Variants in TACR1 observed in about 807,000 individuals in gnomAD.
TACR1 encodes the protein tachykinin receptor 1.
In TACR1, 25 loss-of-function variants were observed where a neutral mutation model predicts 35.8. The ratio of observed to expected loss-of-function variants is 0.70; its 90% CI spans 0.51 to 0.98. TACR1 has a LOEUF of 0.98. Ranked by LOEUF, TACR1 falls within the 50% of genes least tolerant of loss-of-function variation. The pLI is 0.00. For synonymous variants in TACR1, 195 were observed against 206.7 expected, an observed-to-expected ratio of 0.94 and a Z score of 0.48; for missense variants, 478 against 522.9, an observed-to-expected ratio of 0.91 and a Z score of 0.84.
intron 1 of TACR1, among the ~76,000 whole-genome samples, chr2:75,149,146 C>T (rs913011431): frequency 1.3e-5 from 2 of 152,110 alleles, no homozygotes; most frequent in African/African-American, 2.4e-5. Context: ...AGTATGAAGT[C>T]AGGTAGCATG....
intron 2 of TACR1, 130 bp downstream of exon 2, chr2:75,120,444 G>T: frequency 1.2e-6 from 1 of 822,288 alleles, no homozygotes; most frequent in Admixed American, 2.9e-5. Context: ...GGGTATATGT[G>T]AGAAATGCTT....
intron 1 of TACR1, among the ~76,000 whole-genome samples, chr2:75,165,709 G>A (rs1675125327): frequency 6.6e-6 from 1 of 152,158 alleles, no homozygotes. Context: ...AAAATATGGT[G>A]CGCCCAGGCT....
chr2:75,180,733 A>G (rs1675541216), intron 1 of TACR1, among the ~76,000 whole-genome samples: 1 of 152,212 alleles, frequency 6.6e-6, no homozygotes. Context: ...GAGTGAGCCC[A>G]GACAAGATTC....
intron 1 of TACR1, among the ~76,000 whole-genome samples, chr2:75,193,089 C>T (rs972281764): frequency 1.1e-4 from 16 of 152,078 alleles, no homozygotes; most frequent in African/African-American, 3.9e-4. Flanking sequence ...TCCTCTCTCC[C>T]CTACTGCCCT....
chr2:75,114,377 C>G (rs374061212), intron 2 of TACR1, among the ~76,000 whole-genome samples: 4 of 152,226 alleles, frequency 2.6e-5, no homozygotes, highest in African/African-American at 9.6e-5. Context: ...TTTTGGATGT[C>G]CTTTTCATTT....
chr2:75,129,124 T>C (rs1674133360), intron 1 of TACR1, among the ~76,000 whole-genome samples: 1 of 152,198 alleles, frequency 6.6e-6, no homozygotes, highest in Non-Finnish European at 1.5e-5. Flanking sequence ...GTAATGTCTT[T>C]GAGATTTTAA....
chr2:75,118,620 A>G (rs1371688402), intron 2 of TACR1, among the ~76,000 whole-genome samples: 1 of 152,220 alleles, frequency 6.6e-6, no homozygotes, highest in Non-Finnish European at 1.5e-5. Context: ...AAGACCCCAG[A>G]GATCTGTGGG....
chr2:75,070,221 GTGTGTGTGTGTA>G (rs1672850975), intron 2 of TACR1, among the ~76,000 whole-genome samples: 1 of 89,388 alleles, frequency 1.1e-5, no homozygotes, highest in South Asian at 4.3e-4. Context: ...TTGTATGTAT[GTGTGTGTGTGTA>G]TGTGTGTGTG....
At chr2:75,111,818 G>T (rs768132132) in intron 2 of TACR1, among the ~76,000 whole-genome samples, 1 of 151,896 alleles carries the variant, frequency 6.6e-6, no homozygotes, top group Non-Finnish European at 1.5e-5. Flanking sequence ...AACCAAGAAT[G>T]GTGGTTGTCC....
intron 1 of TACR1, among the ~76,000 whole-genome samples, chr2:75,131,191 T>C (rs1259773844): frequency 2.0e-5 from 3 of 151,936 alleles, no homozygotes; most frequent in Non-Finnish European, 4.4e-5. Context: ...TGGGTTCACG[T>C]CATTCTCCTG....
intron 1 of TACR1, among the ~76,000 whole-genome samples, chr2:75,152,407 G>A (rs991470887): frequency 2.0e-5 from 3 of 152,096 alleles, no homozygotes; most frequent in Non-Finnish European, 4.4e-5. Flanking sequence ...GAGATCTGAT[G>A]GTTTTATCAG....
At chr2:75,144,824 A>T (rs564225137) in intron 1 of TACR1, among the ~76,000 whole-genome samples, 42 of 152,336 alleles carry the variant, frequency 2.8e-4, no homozygotes, top group African/African-American at 9.9e-4. Context: ...GGTAGCAATG[A>T]ATAACAGATT....
Position 75,048,662 on chromosome 2 carries a change from A to T in TACR1, c.*770T>A, listed in dbSNP as rs1005752009. ...TAAGATTCGAAGGAACACTTAGATT[A>T]TCTAGTTCAGTCCCCTTGTTTACAA... On this transcript the variant is annotated 3_prime_UTR_variant, in exon 5 of 5. Coordinates refer to ENST00000305249, the MANE Select transcript of TACR1 (RefSeq NM_001058.4). 6.6e-6 allele frequency: 1 copy of T among 152,158 alleles called. No homozygotes were observed. Among genetic ancestry groups the T allele is most frequent in the Non-Finnish European group, 1.5e-5 (1 of 68,040 alleles). The allele number at this position is 152,158 out of a possible 1,614,324, so 9.4% of individuals were successfully genotyped here. A position where few individuals can be genotyped will look rare whatever the true frequency, so the allele number is the denominator to read the frequency against.
intron 1 of TACR1, among the ~76,000 whole-genome samples, chr2:75,168,500 G>C (rs563394599): frequency 2.0e-5 from 3 of 152,294 alleles, no homozygotes; most frequent in South Asian, 2.1e-4. Flanking sequence ...ATGGAGGAAG[G>C]GGGCAGTGAG....
chr2:75,102,743 T>C (rs891511669), intron 2 of TACR1, among the ~76,000 whole-genome samples: 1 of 152,182 alleles, frequency 6.6e-6, no homozygotes, highest in African/African-American at 2.4e-5. Flanking sequence ...TTGGTAAGTA[T>C]ATGCCAAATA....
chr2:75,154,401 A>AGCGCGCGCGCGTGC (rs142809732), intron 1 of TACR1: 1 of 76,444 alleles, frequency 1.3e-5, no homozygotes, highest in Non-Finnish European at 2.7e-5. Flanking sequence ...ATCAGCCAAG[A>AGCGCGCGCGCGTGC]GCGCGCACGC....
rs57846368 is a variant in TACR1 at position 75,146,723 on chromosome 2, T to A, written c.390-25955A>T. 2.8e-3 allele frequency among the ~76,000 whole-genome samples: 420 copies of A among 152,336 alleles called. 1 individual carries two copies. Among genetic ancestry groups the A allele is most frequent in the African/African-American group, 9.6e-3 (400 of 41,580 alleles). On this transcript the variant is annotated intron_variant, in intron 1 of 4. Transcript: ENST00000305249. ...CAAACCCTAATGAGTCTCAATTTCC[T>A]CATCTATAAAATAGAGTTGCAGTTG...
chr2:75,081,314 A>G (rs946967352), intron 2 of TACR1, among the ~76,000 whole-genome samples: 2 of 152,208 alleles, frequency 1.3e-5, no homozygotes, highest in African/African-American at 2.4e-5. Flanking sequence ...TGGTCCTGTG[A>G]TACAGGGGTC....
chr2:75,186,519 T>C (rs1675708164), intron 1 of TACR1, among the ~76,000 whole-genome samples: 2 of 152,236 alleles, frequency 1.3e-5, no homozygotes, highest in East Asian at 1.9e-4. Flanking sequence ...TAATTCTCTT[T>C]AATAAGTGTG....
Sources: gnomAD v4.1 joint callset for allele counts (sites outside exome capture counted in the v4.1 genomes callset) on GRCh38, gnomAD v4.1.1 for gene constraint, MANE v1.5 for transcripts, NCBI Gene and HGNC (gene_info 2026-07-23, HGNC 2026-07-21) for gene names.